Variants in CNTNAP2 observed in about 807,000 individuals in gnomAD.
CNTNAP2 encodes contactin associated protein 2, also known as contactin-associated protein-like 2.
A neutral mutation model predicts 155.2 loss-of-function variants in CNTNAP2; 98 were observed. That is an observed-to-expected ratio of 0.63 (90% confidence interval 0.54 to 0.75). The LOEUF (loss-of-function observed/expected upper bound fraction) is 0.75. CNTNAP2 is among the 30% of genes least tolerant of loss of function. The probability of loss-of-function intolerance (pLI) is 0.00; values close to 1 mark genes in which losing one functional copy is unlikely to be tolerated. For missense variants in CNTNAP2, 1,727 were observed against 1,688.1 expected (o/e 1.02, Z -0.40); for synonymous variants, 651 against 631.2 (o/e 1.03, Z -0.47).
chr7:146,974,116 G>T (rs984460841), intron 3 of CNTNAP2, among the ~76,000 whole-genome samples: 2 of 152,148 alleles, frequency 1.3e-5, no homozygotes, highest in African/African-American at 4.8e-5. Flanking sequence ...TGCCCTGAAA[G>T]GTGCTAGCCT....
chr7:146,426,287 A>G (rs756154741), intron 1 of CNTNAP2, among the ~76,000 whole-genome samples: 23 of 150,738 alleles, frequency 1.5e-4, no homozygotes, highest in Non-Finnish European at 2.1e-4. Flanking sequence ...TTCAAGCACT[A>G]GCACCATGGT....
At chr7:146,517,142 T>C (rs1490886730) in intron 1 of CNTNAP2, among the ~76,000 whole-genome samples, 1 of 152,004 alleles carries the variant, frequency 6.6e-6, no homozygotes, top group Non-Finnish European at 1.5e-5. Flanking sequence ...CTTTGTTCAG[T>C]GTATCCACAC....
intron 8 of CNTNAP2, chr7:147,167,632 G>A (rs1826843): frequency 0.4 from 225,105 of 565,882 alleles, 47,405 homozygotes; most frequent in East Asian, 0.6. Flanking sequence ...CAGCTGTCCT[G>A]TGATATCAGC....
intron 13 of CNTNAP2, among the ~76,000 whole-genome samples, chr7:147,658,629 T>A (rs896132136): frequency 6.6e-6 from 1 of 152,168 alleles, no homozygotes; most frequent in African/African-American, 2.4e-5. Flanking sequence ...GGAAGCCAAA[T>A]TAAAATCAGA....
At chr7:148,270,601 A>T (rs10464463) in intron 21 of CNTNAP2, among the ~76,000 whole-genome samples, 1 of 152,032 alleles carries the variant, frequency 6.6e-6, no homozygotes, top group Non-Finnish European at 1.5e-5. Flanking sequence ...AAAGAGTAAA[A>T]GGGGAAGGAA....
intron 2 of CNTNAP2, among the ~76,000 whole-genome samples, chr7:146,795,856 A>G (rs1176094778): frequency 6.6e-6 from 1 of 152,206 alleles, no homozygotes; most frequent in Non-Finnish European, 1.5e-5. Flanking sequence ...ATATGCAGAG[A>G]AGCAGTGTGT....
chr7:147,434,504 G>A (rs150217217), intron 10 of CNTNAP2, among the ~76,000 whole-genome samples: 20 of 152,150 alleles, frequency 1.3e-4, no homozygotes, highest in East Asian at 7.7e-4. Context: ...GCACTTTTCC[G>A]AAGGAAAAAG....
chr7:147,589,005 A>G (rs1386044815), intron 12 of CNTNAP2, among the ~76,000 whole-genome samples: 3 of 152,184 alleles, frequency 2.0e-5, no homozygotes, highest in Admixed American at 2.0e-4. Context: ...TTGAAACCCT[A>G]AGTGAATGTT....
chr7:146,352,750 G>GTT (rs531124445), intron 1 of CNTNAP2, among the ~76,000 whole-genome samples: 1,941 of 64,124 alleles, frequency 0.03, 431 homozygotes, highest in African/African-American at 0.11. Flanking sequence ...GCATAATTCT[G>GTT]TTTTTTTTTT....
intron 1 of CNTNAP2, among the ~76,000 whole-genome samples, chr7:146,734,153 T>C (rs529846299): frequency 1.3e-5 from 2 of 152,168 alleles, no homozygotes; most frequent in South Asian, 4.2e-4. Context: ...AAAGGTGAGG[T>C]ACAGAGGTAC....
chr7:146,381,041 G>A (rs1386015484), intron 1 of CNTNAP2, among the ~76,000 whole-genome samples: 1 of 151,066 alleles, frequency 6.6e-6, no homozygotes, highest in South Asian at 2.1e-4. Context: ...CTCGTGATCC[G>A]CCCGCCTCGG....
In CNTNAP2 at chr7:147,878,220, A is replaced by G. The variant is rs941910965; in HGVS notation, c.2099-25345A>G. On this transcript the variant is annotated intron_variant, in intron 13 of 23. Coordinates refer to ENST00000361727, the MANE Select transcript of CNTNAP2 (RefSeq NM_014141.6). ...TTTATTACTCATTGGAAAATTATCT[A>G]TTTGTACAGTGCCTAAAACAGCTGA... is the stretch of plus-strand genomic sequence containing the variant. 3.7e-4 allele frequency among the ~76,000 whole-genome samples: 56 copies of G among 151,592 alleles called. 1 individual carries two copies. In the Middle Eastern group the frequency reaches 0.017, roughly 46 times the overall value.
intron 4 of CNTNAP2, among the ~76,000 whole-genome samples, chr7:147,105,329 C>T (rs959729594): frequency 1.3e-5 from 2 of 151,888 alleles, no homozygotes; most frequent in Non-Finnish European, 2.9e-5. Flanking sequence ...TGTGGAAACA[C>T]TATGATTTTG....
At chr7:147,307,738 GC>G (rs1476143025) in intron 9 of CNTNAP2, among the ~76,000 whole-genome samples, 2 of 152,140 alleles carry the variant, frequency 1.3e-5, no homozygotes. Context: ...TTCTAGGCCT[GC>G]TTTTGCAAAT....
chr7:146,340,164 G>A (rs10269331), intron 1 of CNTNAP2, among the ~76,000 whole-genome samples: 15,165 of 103,254 alleles, frequency 0.15, 1,722 homozygotes, highest in African/African-American at 0.38. Flanking sequence ...GCGAGACTCC[G>A]CCTCAAAAAA....
rs189196172 is a variant in CNTNAP2 at position 147,583,899 on chromosome 7, G to A, written c.1897+21642G>A. On this transcript the variant is annotated intron_variant, in intron 12 of 23. Transcript: ENST00000361727. ...CAATCTCTATTGGCCAAGCCGAGACGGTGGCATGGGTGTCTCTTCCTGTGG... is the reference window on the plus strand; with the variant it reads ...CAATCTCTATTGGCCAAGCCGAGACAGTGGCATGGGTGTCTCTTCCTGTGG... Among the ~76,000 whole-genome samples, 996 of 152,094 alleles carry A rather than the reference G, an allele frequency of 6.5e-3. 11 individuals carry two copies. The highest frequency in any genetic ancestry group is 0.023 in the African/African-American group (942 of 41,498).
intron 18 of CNTNAP2, among the ~76,000 whole-genome samples, chr7:148,177,893 C>CAGT (rs1794970413): frequency 2.8e-5 from 2 of 72,718 alleles, no homozygotes; most frequent in Non-Finnish European, 5.0e-5. Flanking sequence ...TGAACAGACA[C>CAGT]TGTTTTTTTT....
intron 14 of CNTNAP2, among the ~76,000 whole-genome samples, chr7:147,969,188 G>T (rs13237465): frequency 0.13 from 20,345 of 151,924 alleles, 2,205 homozygotes; most frequent in African/African-American, 0.31. Context: ...TAGCTGGGAC[G>T]ACAGGCATGT....
At chr7:147,072,642 T>A (rs1330322699) in intron 4 of CNTNAP2, among the ~76,000 whole-genome samples, 1 of 152,002 alleles carries the variant, frequency 6.6e-6, no homozygotes, top group Non-Finnish European at 1.5e-5. Flanking sequence ...TGGTTGTGGG[T>A]TACATGTGGG....
Sources: allele counts gnomAD v4.1 joint callset (sites outside exome capture counted in the v4.1 genomes callset), GRCh38; gene constraint gnomAD v4.1.1; transcripts MANE v1.5; gene names NCBI Gene and HGNC (gene_info 2026-07-23, HGNC 2026-07-21).